The following TET3 variants were observed in gnomAD, a reference collection of about 807,000 sequenced individuals.
TET3 encodes methylcytosine dioxygenase TET3.
TET3 carries 19 observed loss-of-function variants against 141.4 expected under a neutral mutation model. The observed-to-expected ratio is 0.13, with a 90% CI of 0.09 to 0.20. The LOEUF (loss-of-function observed/expected upper bound fraction) is 0.20. Ranked by LOEUF, TET3 falls within the 10% of genes least tolerant of loss-of-function variation. The probability of loss-of-function intolerance (pLI) is 1.00; values close to 1 mark genes in which losing one functional copy is unlikely to be tolerated. For missense variants in TET3, 1,874 were observed against 2,356.9 expected (o/e 0.80, Z 4.24); for synonymous variants, 1,043 against 980.9 (o/e 1.06, Z -1.18).
intron 3 of TET3, among the ~76,000 whole-genome samples, chr2:74,031,733 T>C (rs1462096022): frequency 1.3e-5 from 2 of 152,168 alleles, no homozygotes; most frequent in Non-Finnish European, 2.9e-5. Context: ...GATTTTTGGG[T>C]GGTCACTTAA....
intron 3 of TET3, among the ~76,000 whole-genome samples, chr2:74,023,275 TG>T (rs965579294): frequency 6.6e-6 from 1 of 152,220 alleles, no homozygotes; most frequent in Non-Finnish European, 1.5e-5. Flanking sequence ...GGTCTTGCTG[TG>T]TCACGTAGGC....
intron 3 of TET3, among the ~76,000 whole-genome samples, chr2:74,017,305 C>T (rs968589875): frequency 6.6e-6 from 1 of 152,120 alleles, no homozygotes; most frequent in African/African-American, 2.4e-5. Flanking sequence ...TTATAGTTGC[C>T]CTATGGTGCT....
chr2:74,091,262 AACT>A (rs1174030397), intron 8 of TET3, among the ~76,000 whole-genome samples: 1 of 152,150 alleles, frequency 6.6e-6, no homozygotes, highest in African/African-American at 2.4e-5. Flanking sequence ...AGGACCTAAG[AACT>A]ACTAGGAATG....
At chr2:74,112,663 C>T (rs1691730967), downstream of TET3, among the ~76,000 whole-genome samples, 1 of 152,072 alleles carries the variant, frequency 6.6e-6, no homozygotes, top group Non-Finnish European at 1.5e-5. Context: ...GCAAGAAATA[C>T]AAGAGATTAG....
At chr2:74,059,275 C>T (rs1392517994) in intron 4 of TET3, among the ~76,000 whole-genome samples, 6 of 152,096 alleles carry the variant, frequency 3.9e-5, no homozygotes, top group African/African-American at 1.2e-4. Context: ...TTTTTTGAGA[C>T]GGAGTCTCGC....
At chr2:74,015,973 A>G (rs1685703733) in intron 3 of TET3, among the ~76,000 whole-genome samples, 1 of 152,116 alleles carries the variant, frequency 6.6e-6, no homozygotes, top group Non-Finnish European at 1.5e-5. Flanking sequence ...TCCATTGCCT[A>G]TTACATCCAT....
chr2:74,078,066 A>T (rs1689609943), intron 5 of TET3, among the ~76,000 whole-genome samples: 1 of 152,246 alleles, frequency 6.6e-6, no homozygotes, highest in Admixed American at 6.5e-5. Flanking sequence ...TGTTGTAATT[A>T]TCAGAAACAG....
At chr2:74,125,163 G>T in the TET3 span, among the ~76,000 whole-genome samples, 1 of 151,940 alleles carries the variant, frequency 6.6e-6, no homozygotes, top group East Asian at 1.9e-4. Flanking sequence ...CCTGCCACCT[G>T]CAGAGACAGG....
At chr2:74,025,688 G>A (rs1290078339) in intron 3 of TET3, among the ~76,000 whole-genome samples, 1 of 152,150 alleles carries the variant, frequency 6.6e-6, no homozygotes, top group African/African-American at 2.4e-5. Context: ...TTTACCAATC[G>A]TTACAACCTC....
intron 3 of TET3, among the ~76,000 whole-genome samples, chr2:74,003,375 T>C (rs951555513): frequency 2.2e-4 from 34 of 151,212 alleles, no homozygotes; most frequent in African/African-American, 7.8e-4. Flanking sequence ...TCTTTTTGCT[T>C]TCTCAGCTGG....
intron 2 of TET3, among the ~76,000 whole-genome samples, chr2:73,994,241 T>C (rs1558693453): frequency 6.6e-6 from 1 of 152,206 alleles, no homozygotes. Context: ...AGTGGTCACA[T>C]GCAGGACAGT....
chr2:74,001,809 C>T (rs945714275), intron 2 of TET3, among the ~76,000 whole-genome samples: 9 of 152,172 alleles, frequency 5.9e-5, no homozygotes, highest in African/African-American at 1.9e-4. Flanking sequence ...GTCTGGGCTA[C>T]CTCCCCTCCT....
At chr2:74,048,442 G>A in intron 4 of TET3, 31 bp downstream of exon 4, 1 of 1,570,062 alleles carries the variant, frequency 6.4e-7, no homozygotes, top group Admixed American at 1.9e-5. Context: ...GGGAAGGGCA[G>A]AGAAAGGGCT....
intron 3 of TET3, among the ~76,000 whole-genome samples, chr2:74,032,481 G>GGCCCCAGCGGC (rs1558730061): frequency 6.6e-6 from 1 of 150,490 alleles, no homozygotes; most frequent in African/African-American, 2.5e-5. Context: ...GTGTGTGTGT[G>GGCCCCAGCGGC]TGTGTGTGTG....
intron 6 of TET3, among the ~76,000 whole-genome samples, chr2:74,081,376 G>A (rs950780287): frequency 2.0e-5 from 3 of 152,250 alleles, no homozygotes; most frequent in Admixed American, 6.5e-5. Context: ...GGTGGAAGAC[G>A]AGGGCTCGGT....
the TET3 span, among the ~76,000 whole-genome samples, chr2:74,124,713 A>G: frequency 2.0e-5 from 3 of 152,152 alleles, no homozygotes; most frequent in African/African-American, 2.4e-5. Context: ...TGTTAAATAG[A>G]TGCTTGAAGG....
At chr2:74,081,344 G>T (rs1206476383) in intron 6 of TET3, among the ~76,000 whole-genome samples, 1 of 152,244 alleles carries the variant, frequency 6.6e-6, no homozygotes, top group Non-Finnish European at 1.5e-5. Flanking sequence ...TCAGCCTCGC[G>T]CTGTGCTGGG....
At chr2:74,052,301 G>T (rs1306575056) in intron 4 of TET3, among the ~76,000 whole-genome samples, 1 of 152,104 alleles carries the variant, frequency 6.6e-6, no homozygotes, top group Non-Finnish European at 1.5e-5. Flanking sequence ...CAGTTGGTAT[G>T]GTAGAATTTG....
the TET3 span, among the ~76,000 whole-genome samples, chr2:74,128,809 T>G: frequency 2.0e-5 from 3 of 150,466 alleles, no homozygotes; most frequent in African/African-American, 7.4e-5. Flanking sequence ...TAGTAAGACC[T>G]CAACTCTACA....
Sources: gnomAD v4.1 joint callset for allele counts (sites outside exome capture counted in the v4.1 genomes callset) on GRCh38, gnomAD v4.1.1 for gene constraint, MANE v1.5 for transcripts, NCBI Gene and HGNC (gene_info 2026-07-23, HGNC 2026-07-21) for gene names.